AIM2: variants seen among roughly 807,000 people sequenced by gnomAD.
AIM2 encodes absent in melanoma 2.
A neutral mutation model predicts 27.7 loss-of-function variants in AIM2; 30 were observed. The ratio of observed to expected loss-of-function variants is 1.08; its 90% CI spans 0.81 to 1.47. The LOEUF (loss-of-function observed/expected upper bound fraction) is 1.47, where lower values mean the gene tolerates loss of function less well. AIM2 is among the 40% of genes most tolerant of loss of function. The pLI is 0.00. For missense variants in AIM2, 358 were observed against 411.3 expected (o/e 0.87, Z 1.12); for synonymous variants, 141 against 145.3 (o/e 0.97, Z 0.21).
intron 1 of AIM2, among the ~76,000 whole-genome samples, chr1:159,083,910 C>T (rs1656838842): frequency 6.6e-6 from 1 of 152,192 alleles, no homozygotes; most frequent in African/African-American, 2.4e-5. Context: ...TATTTATGGA[C>T]CACCTATATA....
chr1:159,123,003 A>T (rs535847258), intron 1 of AIM2, among the ~76,000 whole-genome samples: 1 of 152,220 alleles, frequency 6.6e-6, no homozygotes, highest in Non-Finnish European at 1.5e-5. Context: ...AAAACGATTT[A>T]GTCATTTCAT....
At chr1:159,111,313 G>A (rs542857237) in intron 1 of AIM2, among the ~76,000 whole-genome samples, 1 of 152,288 alleles carries the variant, frequency 6.6e-6, no homozygotes, top group South Asian at 2.1e-4. Flanking sequence ...ATAACCTGGC[G>A]TAGGGTCTAT....
At chr1:159,145,526 G>A (rs929114824) in intron 1 of AIM2, among the ~76,000 whole-genome samples, 3 of 152,034 alleles carry the variant, frequency 2.0e-5, no homozygotes, top group African/African-American at 7.2e-5. Flanking sequence ...AGACAAATAC[G>A]GAGCAAATTA....
At chr1:159,136,107 A>G (rs1437790725) in intron 1 of AIM2, among the ~76,000 whole-genome samples, 6 of 152,150 alleles carry the variant, frequency 3.9e-5, no homozygotes, top group African/African-American at 1.2e-4. Flanking sequence ...AGTGATCACT[A>G]TGGGCAGAAC....
intron 1 of AIM2, among the ~76,000 whole-genome samples, chr1:159,097,823 C>A (rs568643044): frequency 6.6e-6 from 1 of 152,246 alleles, no homozygotes; most frequent in East Asian, 1.9e-4. Flanking sequence ...ATCGGCAAAT[C>A]AATTTTCTAA....
intron 1 of AIM2, among the ~76,000 whole-genome samples, chr1:159,106,288 C>T (rs1239327649): frequency 6.6e-6 from 1 of 152,246 alleles, no homozygotes; most frequent in Non-Finnish European, 1.5e-5. Flanking sequence ...CCCACAGGCT[C>T]TGTGGAGCAC....
In AIM2 at chr1:159,066,271, C is replaced by G; in HGVS notation, c.455G>C (p.Arg152Pro). The part of the protein sequence containing the change: ...QESIREGFQK[R>P]CLPVMVLKAK... ...TTTCAGTACCATAACTGGCAAACAG[C>G]GCTTCTGAAACCCTTCTCTGATAGA... The change falls in exon 4 of 6, where the codon CGC (arginine) becomes CCC (proline). Residue 152 changes from arginine (R) to proline (P), a missense_variant. Physicochemically the swap from Arg to Pro is moderately radical, Grantham distance 103. Coordinates refer to ENST00000368130, the MANE Select transcript of AIM2 (RefSeq NM_004833.3). The G allele has an allele frequency of 6.2e-7, 1 of 1,614,154 alleles. No individual in the cohort carries two copies. The highest frequency in any genetic ancestry group is 8.5e-7 in the Non-Finnish European group (1 of 1,180,040).
At chr1:159,088,661 G>T (rs1174935948) in intron 1 of AIM2, among the ~76,000 whole-genome samples, 1 of 152,194 alleles carries the variant, frequency 6.6e-6, no homozygotes, top group African/African-American at 2.4e-5. Context: ...AGTCGTGAGG[G>T]TTCTGCTCTC....
intron 2 of AIM2, among the ~76,000 whole-genome samples, chr1:159,071,780 G>A (rs1411804078): frequency 6.6e-6 from 1 of 152,210 alleles, no homozygotes; most frequent in African/African-American, 2.4e-5. Flanking sequence ...AAAGTGCTGG[G>A]ATTAAAGGCG....
chr1:159,079,816 C>A (rs1427917681), upstream of AIM2, among the ~76,000 whole-genome samples: 1 of 152,092 alleles, frequency 6.6e-6, no homozygotes, highest in African/African-American at 2.4e-5. Context: ...GTTTCCCTGC[C>A]CTAAAATCCT....
chr1:159,056,696 G>A, the AIM2 span, among the ~76,000 whole-genome samples: 4 of 126,764 alleles, frequency 3.2e-5, no homozygotes, highest in Non-Finnish European at 6.3e-5. Flanking sequence ...ACAAGGAGAG[G>A]GAGGCCAAAA....
intron 1 of AIM2, among the ~76,000 whole-genome samples, chr1:159,095,137 T>C (rs1657145244): frequency 6.6e-6 from 1 of 152,202 alleles, no homozygotes; most frequent in Admixed American, 6.5e-5. Context: ...CTTCAGATCA[T>C]TTTCATTGCT....
intron 1 of AIM2, among the ~76,000 whole-genome samples, chr1:159,120,272 C>T (rs896348138): frequency 2.0e-5 from 3 of 152,062 alleles, no homozygotes; most frequent in Non-Finnish European, 2.9e-5. Context: ...CACCAAAAGA[C>T]GTATAGTAAA....
At chr1:159,135,206 C>T (rs1647991284) in intron 1 of AIM2, among the ~76,000 whole-genome samples, 1 of 152,208 alleles carries the variant, frequency 6.6e-6, no homozygotes, top group African/African-American at 2.4e-5. Flanking sequence ...GATTATTATT[C>T]ATTCAACTCT....
chr1:159,061,011 A>T (rs780394565), downstream of AIM2, among the ~76,000 whole-genome samples: 7 of 152,194 alleles, frequency 4.6e-5, no homozygotes, highest in Non-Finnish European at 1.0e-4. Context: ...GCAATAAGTA[A>T]GAGTTTCAAT....
chr1:159,140,257 C>A (rs1648085715), intron 1 of AIM2, among the ~76,000 whole-genome samples: 2 of 152,144 alleles, frequency 1.3e-5, no homozygotes, highest in African/African-American at 4.8e-5. Context: ...CCAAGGTAAC[C>A]CAGAAATGTA....
the AIM2 span, among the ~76,000 whole-genome samples, chr1:159,056,729 A>AAC: frequency 3.7e-5 from 5 of 134,526 alleles, no homozygotes; most frequent in Non-Finnish European, 6.6e-5. Context: ...AAAAAAAAAA[A>AAC]AAAAAAAAAA....
intron 1 of AIM2, among the ~76,000 whole-genome samples, chr1:159,089,361 A>G (rs911140466): frequency 1.3e-5 from 2 of 152,250 alleles, no homozygotes; most frequent in African/African-American, 4.8e-5. Flanking sequence ...GCCAAAGCAC[A>G]TCCTCCTAAG....
At chr1:159,144,574 C>T (rs1648170435), upstream of AIM2, among the ~76,000 whole-genome samples, 1 of 152,048 alleles carries the variant, frequency 6.6e-6, no homozygotes, top group South Asian at 2.1e-4. Context: ...TTTAAACTGG[C>T]TGTATGTCAT....
Sources: allele counts gnomAD v4.1 joint callset (sites outside exome capture counted in the v4.1 genomes callset), GRCh38; gene constraint gnomAD v4.1.1; transcripts MANE v1.5; gene names NCBI Gene and HGNC (gene_info 2026-07-23, HGNC 2026-07-21).